FSD1L: variants seen among roughly 807,000 people sequenced by gnomAD.
FSD1L encodes fibronectin type III and SPRY domain containing 1 like, also known as FSD1-like protein.
In FSD1L, 45 loss-of-function variants were observed where a neutral mutation model predicts 71.6. That is an observed-to-expected ratio of 0.63 (90% confidence interval 0.49 to 0.81). The LOEUF (loss-of-function observed/expected upper bound fraction) is 0.81. Ranked by LOEUF, FSD1L falls within the 30% of genes least tolerant of loss-of-function variation. The pLI is 0.00. For missense variants in FSD1L, 561 were observed against 618.1 expected, an observed-to-expected ratio of 0.91 and a Z score of 0.98; for synonymous variants, 197 against 207.2, an observed-to-expected ratio of 0.95 and a Z score of 0.42.
At chr9:105,442,993 T>C (rs560092137), upstream of FSD1L, among the ~76,000 whole-genome samples, 10 of 152,332 alleles carry the variant, frequency 6.6e-5, no homozygotes, top group African/African-American at 1.9e-4. Flanking sequence ...AATGATCATA[T>C]CCACTCTGAG....
Position 105,482,406 on chromosome 9 carries a change from T to A in FSD1L, c.465-1975T>A, listed in dbSNP as rs1196724221. Among the ~76,000 whole-genome samples, 5 of 152,268 alleles carry A rather than the reference T, an allele frequency of 3.3e-5. No individual in the cohort carries two copies. In the South Asian group the frequency reaches 1.0e-3, roughly 32 times the overall value. On this transcript the variant is annotated intron_variant, in intron 6 of 13. Transcript: ENST00000481272. ...TGAAAGAGTCAAGTTAATTAGGTAG[T>A]TTGAGGAAATGAAAACTATGTTTTG...
intron 7 of FSD1L, among the ~76,000 whole-genome samples, chr9:105,488,213 C>T (rs1436613516): frequency 6.6e-6 from 1 of 152,192 alleles, no homozygotes; most frequent in Non-Finnish European, 1.5e-5. Context: ...ATGGCAACCA[C>T]TGATCTATTT....
chr9:105,523,552 A>G (rs1345672201), intron 10 of FSD1L: 6 of 1,612,508 alleles, frequency 3.7e-6, no homozygotes, highest in Middle Eastern at 1.9e-4. Context: ...AATCTAGCTA[A>G]GATTAGAGAT....
chr9:105,513,653 G>A (rs1292236712), intron 10 of FSD1L: 3 of 1,512,024 alleles, frequency 2.0e-6, no homozygotes, highest in South Asian at 1.2e-5. Flanking sequence ...TGTCTGTCTA[G>A]TTCTAGGACT....
chr9:105,481,724 C>A (rs920187381), intron 6 of FSD1L, among the ~76,000 whole-genome samples: 1 of 151,808 alleles, frequency 6.6e-6, no homozygotes, highest in Non-Finnish European at 1.5e-5. Context: ...ATAATTTAAA[C>A]GTAGTCATAA....
Position 105,551,850 on chromosome 9 carries a change from T to C in FSD1L, c.*5367T>C, listed in dbSNP as rs1348139518. 1 of 152,194 alleles carries C rather than the reference T, an allele frequency of 6.6e-6. No individual in the cohort carries two copies. The highest frequency in any genetic ancestry group is 6.5e-5 in the Admixed American group (1 of 15,274). The allele number at this position is 152,194 out of a possible 1,614,324, so 9.4% of individuals were successfully genotyped here. On this transcript the variant is annotated 3_prime_UTR_variant, in exon 14 of 14. Coordinates refer to ENST00000481272, the MANE Select transcript of FSD1L (RefSeq NM_001145313.3). Reference sequence around the variant, plus strand: ...GAAGTTAGGGCTGCCCAGTGCCACATGCAAAGAGTGTATTTGGTCTAAACA... The same window carrying C: ...GAAGTTAGGGCTGCCCAGTGCCACACGCAAAGAGTGTATTTGGTCTAAACA...
intron 4 of FSD1L, 58 bp downstream of exon 4, chr9:105,468,382 A>C: frequency 7.6e-7 from 1 of 1,314,790 alleles, no homozygotes; most frequent in Non-Finnish European, 1.0e-6. Flanking sequence ...TCCTTGATTT[A>C]TGATAAGCAA....
rs376500822 is a variant in FSD1L, at chr9:105,484,408, T to C, written c.492T>C (p.Leu164=). ...DRVTMASAFR[L]SLKPKVSDNM... ...TCACAATGGCTTCAGCCTTTCGCCT[T>C]TCTTTGAAACCAAAGGTCAGTGACA... is the stretch of plus-strand genomic sequence containing the variant. Residue 164 remains leucine (L), a synonymous_variant, in exon 7 of 14, where the codon CTT becomes CTC. Transcript: ENST00000481272. The C allele has an allele frequency of 2.0e-4, 312 of 1,526,622 alleles. 1 individual carries two copies. In the African/African-American group the frequency reaches 3.1e-3, roughly 15 times the overall value. The allele number at this position is 1,526,622 out of a possible 1,614,324, so 94.6% of individuals were successfully genotyped here.
At chr9:105,525,399 A>G (rs1394929913) in intron 10 of FSD1L, 42 of 1,605,048 alleles carry the variant, frequency 2.6e-5, no homozygotes, top group African/African-American at 9.4e-5. Context: ...CTGAAAAACA[A>G]GAAAGTGATG....
At chr9:105,473,629 T>A (rs1448572531) in intron 5 of FSD1L, among the ~76,000 whole-genome samples, 1 of 152,200 alleles carries the variant, frequency 6.6e-6, no homozygotes, top group Non-Finnish European at 1.5e-5. Flanking sequence ...AATTACCAAC[T>A]GACAGCCTAA....
Position 105,471,745 on chromosome 9 carries a change from T to A in FSD1L, c.340-159T>A, listed in dbSNP as rs537492461. On this transcript the variant is annotated intron_variant, in intron 4 of 13. Transcript: ENST00000481272. The stretch of plus-strand genomic sequence containing the variant: ...CGTTTTATATATATATATATATATA[T>A]AACTTGATTATCTTGCTACAATAGC... 3.8e-4 allele frequency among the ~76,000 whole-genome samples: 56 copies of A among 147,054 alleles called. No homozygotes were observed. The Middle Eastern group carries it at 0.011, about 28-fold the overall frequency.
intron 6 of FSD1L, among the ~76,000 whole-genome samples, chr9:105,479,846 TC>T (rs1274419576): frequency 6.6e-6 from 1 of 152,244 alleles, no homozygotes; most frequent in Non-Finnish European, 1.5e-5. Flanking sequence ...TCCATCCTGT[TC>T]CTGGTGCCAT....
At chr9:105,500,334 G>A (rs898285040) in intron 7 of FSD1L, among the ~76,000 whole-genome samples, 1 of 152,148 alleles carries the variant, frequency 6.6e-6, no homozygotes, top group South Asian at 2.1e-4. Context: ...TGGTGAGCCT[G>A]TGCCTCTGGA....
intron 13 of FSD1L, among the ~76,000 whole-genome samples, chr9:105,540,910 C>T (rs960927208): frequency 7.2e-5 from 11 of 152,004 alleles, no homozygotes; most frequent in African/African-American, 2.7e-4. Context: ...GTTAGGTTCC[C>T]GTGGGGAGTT....
chr9:105,543,837 G>A (rs1349431802), intron 13 of FSD1L, among the ~76,000 whole-genome samples: 1 of 152,132 alleles, frequency 6.6e-6, no homozygotes, highest in African/African-American at 2.4e-5. Flanking sequence ...TATCATTGAT[G>A]GACATTTGGG....
chr9:105,535,051 T>C lies in FSD1L; in HGVS notation c.1127-16T>C. On this transcript the variant is annotated splice_polypyrimidine_tract_variant and intron_variant, in intron 11 of 13. Coordinates refer to ENST00000481272, the MANE Select transcript of FSD1L (RefSeq NM_001145313.3). The stretch of plus-strand genomic sequence containing the variant: ...AGGAAGAGATGAGTCAAATCTACCT[T>C]TCTGATCTTTTGTAGGAGACACTGC... The C allele has an allele frequency of 6.4e-7, 1 of 1,551,320 alleles. No individual in the cohort carries two copies. The highest frequency in any genetic ancestry group is 1.2e-5 in the South Asian group (1 of 84,024).
chr9:105,494,013 C>T (rs1833155919), intron 7 of FSD1L, among the ~76,000 whole-genome samples: 1 of 152,156 alleles, frequency 6.6e-6, no homozygotes, highest in South Asian at 2.1e-4. Context: ...ATCTTTGTGT[C>T]ATTCTCTGTA....
In FSD1L at chr9:105,519,598, C is replaced by T. The variant is rs142094587; in HGVS notation, c.1025+6662C>T. Among the ~76,000 whole-genome samples the T allele has an allele frequency of 9.2e-3, 1,403 of 152,352 alleles. 22 individuals are homozygous for T. Among genetic ancestry groups the T allele is most frequent in the African/African-American group, 0.032 (1,344 of 41,594 alleles). ...AGAAAAGGCCTTTGACAAAATTCAA[C>T]TCCCCTTCATGCTAAAAACTCTCAA... On this transcript the variant is annotated intron_variant, in intron 10 of 13. Coordinates refer to ENST00000481272, the MANE Select transcript of FSD1L (RefSeq NM_001145313.3).
intron 7 of FSD1L, among the ~76,000 whole-genome samples, chr9:105,490,682 A>G (rs1372793991): frequency 4.5e-5 from 6 of 133,122 alleles, no homozygotes; most frequent in East Asian, 2.1e-4. Context: ...TGATTTTTGT[A>G]TAAGGTGTAA....
Sources: gnomAD v4.1 joint callset for allele counts (sites outside exome capture counted in the v4.1 genomes callset) on GRCh38, gnomAD v4.1.1 for gene constraint, MANE v1.5 for transcripts, NCBI Gene and HGNC (gene_info 2026-07-23, HGNC 2026-07-21) for gene names.